The following BTBD8 variants were observed in gnomAD, a reference collection of about 807,000 sequenced individuals.
The protein encoded by BTBD8 is BTB/POZ domain-containing protein 8.
A neutral mutation model predicts 162.9 loss-of-function variants in BTBD8; 110 were observed. The observed-to-expected ratio is 0.68, with a 90% CI of 0.58 to 0.79. The LOEUF (loss-of-function observed/expected upper bound fraction) is 0.79. Among genes scored for constraint, BTBD8 ranks in the 30% least tolerant of loss-of-function variants. The probability of loss-of-function intolerance (pLI) is 0.00; values close to 1 mark genes in which losing one functional copy is unlikely to be tolerated. For missense variants in BTBD8, 1,905 were observed against 2,085.4 expected, an observed-to-expected ratio of 0.91 and a Z score of 1.68; for synonymous variants, 667 against 716.1, an observed-to-expected ratio of 0.93 and a Z score of 1.10.
intron 10 of BTBD8, among the ~76,000 whole-genome samples, chr1:92,167,509 A>G (rs891303976): frequency 6.6e-6 from 1 of 152,240 alleles, no homozygotes; most frequent in Non-Finnish European, 1.5e-5. Flanking sequence ...TTTCTCTAAA[A>G]TTATTCACAG....
Position 92,181,210 on chromosome 1 carries a change from C to G in BTBD8, c.3527C>G (p.Pro1176Arg). ...SKVPVEGLTI[P>R]SKLSDESAMD... ...GTTCCTGTGGAAGGACTGACAATTCCTAGTAAGTTGTCAGATGAATCTGCT... is the reference window on the plus strand; with the variant it reads ...GTTCCTGTGGAAGGACTGACAATTCGTAGTAAGTTGTCAGATGAATCTGCT... The change falls in exon 17 of 18, where the codon CCT becomes CGT. Residue 1176 changes from proline (P) to arginine (R), a missense_variant. Transcript: ENST00000636805. 6.4e-7 allele frequency: 1 copy of G among 1,551,604 alleles called. No homozygotes were observed. The highest frequency in any genetic ancestry group is 8.7e-7 in the Non-Finnish European group (1 of 1,146,908).
intron 4 of BTBD8, among the ~76,000 whole-genome samples, chr1:92,109,136 A>T (rs1648820334): frequency 6.6e-6 from 1 of 152,168 alleles, no homozygotes; most frequent in African/African-American, 2.4e-5. Context: ...TGAAATCTGC[A>T]TTAAAGGTTG....
Position 92,180,293 on chromosome 1 carries a change from A to G in BTBD8, c.2610A>G (p.Val870=), listed in dbSNP as rs950839005. 1.9e-6 allele frequency: 3 copies of G among 1,546,908 alleles called. No homozygotes were observed. The highest frequency in any genetic ancestry group is 2.8e-5 in the African/African-American group (2 of 72,654). Residue 870 remains valine, a synonymous_variant, in exon 17 of 18, where the codon GTA becomes GTG. Transcript: ENST00000636805. Reference sequence around the variant, plus strand: ...CCCAAGGAGAGTCACCAAACTCAGTAAAATCTTCAGTCTCTTCAAGGCAGT... The same window carrying G: ...CCCAAGGAGAGTCACCAAACTCAGTGAAATCTTCAGTCTCTTCAAGGCAGT... ...QGSQGESPNS[V]KSSVSSRQSD...
intron 9 of BTBD8, among the ~76,000 whole-genome samples, chr1:92,149,941 A>C (rs530876894): frequency 6.6e-6 from 1 of 152,154 alleles, no homozygotes; most frequent in African/African-American, 2.4e-5. Flanking sequence ...ACTCTCCCCA[A>C]CATTACGTCC....
intron 1 of BTBD8, among the ~76,000 whole-genome samples, chr1:92,087,530 A>G (rs1570711947): frequency 6.6e-6 from 1 of 152,334 alleles, no homozygotes; most frequent in Middle Eastern, 3.4e-3. Context: ...CTAGGGTAAA[A>G]TAGGATCATT....
intron 1 of BTBD8, 31 bp downstream of exon 1, chr1:92,080,751 A>G (rs1647983551): frequency 1.3e-6 from 2 of 1,592,784 alleles, no homozygotes; most frequent in Non-Finnish European, 1.7e-6. Flanking sequence ...TGGCTGCTTC[A>G]GTTCCTAAAT....
rs750653989 is a variant in BTBD8, at chr1:92,156,910, CTG to C, written c.1122+9126_1122+9127del. 2.5e-3 allele frequency among the ~76,000 whole-genome samples: 384 copies of C among 151,248 alleles called. 4 individuals are homozygous for C. Among genetic ancestry groups the C allele is most frequent in the Middle Eastern group, 0.01 (3 of 294 alleles). ...ACTCAGTTTTGTTATTTTTAAAAAACTGTTTTTCTATCCTCTATTTCTGCTCT... is the reference window on the plus strand; with the variant it reads ...ACTCAGTTTTGTTATTTTTAAAAAACTTTTTCTATCCTCTATTTCTGCTCT... On this transcript the variant is annotated intron_variant, in intron 9 of 17. Coordinates refer to ENST00000636805, the MANE Select transcript of BTBD8 (RefSeq NM_001376131.1).
At chr1:92,096,803 G>A (rs181897108) in intron 2 of BTBD8, among the ~76,000 whole-genome samples, 30 of 152,166 alleles carry the variant, frequency 2.0e-4, no homozygotes, top group African/African-American at 7.2e-4. Context: ...CTCACAAAAC[G>A]CTGAGATTAC....
At chr1:92,155,015 G>C (rs1364703781) in intron 9 of BTBD8, among the ~76,000 whole-genome samples, 2 of 152,122 alleles carry the variant, frequency 1.3e-5, no homozygotes. Flanking sequence ...TTGTTGAAGA[G>C]ACTTTCCTGA....
intron 16 of BTBD8, among the ~76,000 whole-genome samples, chr1:92,179,277 A>G (rs475034): frequency 0.036 from 5,527 of 152,060 alleles, 111 homozygotes; most frequent in African/African-American, 0.04. Context: ...AATGATAATA[A>G]TAGTGCAGTC....
At chr1:92,115,665 G>T (rs898482168) in intron 4 of BTBD8, 20 of 372,708 alleles carry the variant, frequency 5.4e-5, no homozygotes, top group Admixed American at 3.6e-4. Context: ...AATCATACTG[G>T]AACATGTAGA....
intron 7 of BTBD8, among the ~76,000 whole-genome samples, chr1:92,145,946 A>C (rs954241065): frequency 6.6e-6 from 1 of 151,906 alleles, no homozygotes; most frequent in African/African-American, 2.4e-5. Context: ...GCACCACTGC[A>C]CTCCAGCCTG....
intron 9 of BTBD8, among the ~76,000 whole-genome samples, chr1:92,151,795 A>G (rs989310147): frequency 5.9e-5 from 9 of 152,206 alleles, no homozygotes; most frequent in Non-Finnish European, 1.0e-4. Context: ...TGAATGGAAT[A>G]TATACAGTAT....
At chr1:92,161,681 T>A (rs1313881725) in intron 9 of BTBD8, among the ~76,000 whole-genome samples, 1 of 152,202 alleles carries the variant, frequency 6.6e-6, no homozygotes, top group East Asian at 1.9e-4. Context: ...TTTTCTACCT[T>A]TCAGAATGAT....
At chr1:92,091,174 A>C (rs1246644860) in intron 2 of BTBD8, among the ~76,000 whole-genome samples, 1 of 152,156 alleles carries the variant, frequency 6.6e-6, no homozygotes, top group East Asian at 1.9e-4. Context: ...GGCTGTTCTC[A>C]TGATAGTGAG....
intron 16 of BTBD8, 35 bp from the exon 17 acceptor site, chr1:92,180,230 T>G (rs1650840874): frequency 2.1e-6 from 3 of 1,423,670 alleles, no homozygotes; most frequent in Non-Finnish European, 2.8e-6. Context: ...GGAGGTGATA[T>G]TACATTACTG....
intron 2 of BTBD8, among the ~76,000 whole-genome samples, chr1:92,099,252 C>T (rs1648526491): frequency 6.6e-6 from 1 of 152,050 alleles, no homozygotes; most frequent in Non-Finnish European, 1.5e-5. Context: ...TCTACATGTC[C>T]ACCATTCTTA....
Position 92,081,802 on chromosome 1 carries a change from GACC to G in BTBD8, c.149+1085_149+1087del, listed in dbSNP as rs767661322. Among the ~76,000 whole-genome samples the G allele has an allele frequency of 2.6e-5, 4 of 152,300 alleles. No homozygotes were observed. In the South Asian group the frequency reaches 6.2e-4, roughly 24 times the overall value. On this transcript the variant is annotated intron_variant, in intron 1 of 17. Transcript: ENST00000636805. ...TTGGCCAGGCTAGTCACGAACTCGTGACCACAAGTGATCCGCCCGCCTCGGCCT... is the reference window on the plus strand; with the variant it reads ...TTGGCCAGGCTAGTCACGAACTCGTGACAAGTGATCCGCCCGCCTCGGCCT...
intron 4 of BTBD8, among the ~76,000 whole-genome samples, chr1:92,127,072 G>C (rs988565651): frequency 8.5e-5 from 13 of 152,188 alleles, no homozygotes; most frequent in Admixed American, 1.3e-4. Context: ...TGTTTGCCAA[G>C]CTAATTTGCC....
Sources: allele counts gnomAD v4.1 joint callset (sites outside exome capture counted in the v4.1 genomes callset), GRCh38; gene constraint gnomAD v4.1.1; transcripts MANE v1.5; gene names NCBI Gene and HGNC (gene_info 2026-07-23, HGNC 2026-07-21).